SRGAP2B: variants seen among roughly 807,000 people sequenced by gnomAD.
SRGAP2B encodes SLIT-ROBO Rho GTPase activating protein 2B, also known as SLIT-ROBO Rho GTPase-activating protein 2B.
SRGAP2B carries 9 observed loss-of-function variants against 22.2 expected under a neutral mutation model. That is an observed-to-expected ratio of 0.41 (90% CI 0.24 to 0.71). SRGAP2B has a LOEUF of 0.71. SRGAP2B is among the 30% of genes least tolerant of loss of function. The pLI, the probability that SRGAP2B is intolerant of heterozygous loss-of-function variation, is 0.35. For synonymous variants in SRGAP2B, 36 were observed against 87.4 expected (o/e 0.41, Z 3.28); for missense variants, 114 against 235.8 (o/e 0.48, Z 3.38).
At chr1:145,021,771 G>A (rs1376275187) in intron 2 of SRGAP2B, among the ~76,000 whole-genome samples, 28 of 146,064 alleles carry the variant, frequency 1.9e-4, no homozygotes, top group Non-Finnish European at 3.7e-4. Context: ...CCAAGGTCAC[G>A]CCATTGCACT....
At position 144,926,023 on chromosome 1, in the gene SRGAP2B, T is replaced by A. The variant is rs1345597105; in HGVS notation, c.424-11269A>T. Reference sequence around the variant, plus strand: ...CCACCAACTTGCTAATTGCTTTCTATTTGTCCTGCCTCTTCTATTTTCCTC... The same window carrying A: ...CCACCAACTTGCTAATTGCTTTCTAATTGTCCTGCCTCTTCTATTTTCCTC... On this transcript the variant is annotated intron_variant, in intron 4 of 9. Transcript: ENST00000612199. Among the ~76,000 whole-genome samples, 12 of 75,666 alleles carry A rather than the reference T, an allele frequency of 1.6e-4. No homozygotes were observed. In the East Asian group the frequency reaches 3.9e-3, roughly 24 times the overall value. 49.6% of individuals were successfully genotyped at this position (75,666 alleles called of 152,430 possible). A position where few individuals can be genotyped will look rare whatever the true frequency, so the allele number is the denominator to read the frequency against.
At chr1:144,941,576 A>T in intron 4 of SRGAP2B, among the ~76,000 whole-genome samples, 1 of 150,132 alleles carries the variant, frequency 6.7e-6, no homozygotes. Flanking sequence ...ATCTAGTAGA[A>T]AAACTAAAAG....
intron 3 of SRGAP2B, chr1:144,964,966 G>T: frequency 3.6e-6 from 5 of 1,406,770 alleles, no homozygotes; most frequent in Non-Finnish European, 4.0e-6. Flanking sequence ...ACAGAGCCGC[G>T]CCGCCTGCAC....
At chr1:145,044,225 C>T (rs1649488721) in intron 2 of SRGAP2B, among the ~76,000 whole-genome samples, 1 of 134,096 alleles carries the variant, frequency 7.5e-6, no homozygotes, top group Admixed American at 7.2e-5. Flanking sequence ...TTTTTTTTGC[C>T]AGAAAGCAAG....
intron 4 of SRGAP2B, 112 bp downstream of exon 4, chr1:144,955,327 T>C (rs1480669260): frequency 3.8e-6 from 2 of 532,088 alleles, no homozygotes; most frequent in African/African-American, 2.1e-5. Flanking sequence ...GTCATGGGGG[T>C]CTGGTGTACA....
intron 1 of SRGAP2B, among the ~76,000 whole-genome samples, chr1:145,093,956 G>T (rs112906161): frequency 6.7e-6 from 1 of 149,484 alleles, no homozygotes; most frequent in Non-Finnish European, 1.5e-5. Context: ...ATGTTGATGG[G>T]GGGGCGGGGC....
chr1:144,969,588 G>T, intron 3 of SRGAP2B, among the ~76,000 whole-genome samples: 1 of 146,674 alleles, frequency 6.8e-6, no homozygotes, highest in Non-Finnish European at 1.5e-5. Flanking sequence ...GCGTGGGCAA[G>T]GACTTCATGT....
intron 4 of SRGAP2B, among the ~76,000 whole-genome samples, chr1:144,939,344 G>A (rs1199155168): frequency 6.6e-6 from 1 of 150,550 alleles, no homozygotes; most frequent in African/African-American, 2.5e-5. Context: ...CCTGGAAGCA[G>A]GTAATTAAAA....
rs1667201014 is a variant in SRGAP2B, at chr1:144,955,609, GA to G, written c.261-9del. The G allele has an allele frequency of 1.3e-6, 1 of 758,842 alleles. No homozygotes were observed. The highest frequency in any genetic ancestry group is 2.3e-5 in the Admixed American group (1 of 42,564). The allele number at this position is 758,842 out of a possible 1,614,324, so 47.0% of individuals were successfully genotyped here. ...AGAACATTCTGATCCTTCCTGTGAA[GA>G]AACATCAAGGAAAAGAAGTCATTGT... On this transcript the variant is annotated splice_polypyrimidine_tract_variant and intron_variant, in intron 3 of 9. Transcript: ENST00000612199.
intron 2 of SRGAP2B, among the ~76,000 whole-genome samples, chr1:145,084,873 C>T (rs1457105400): frequency 1.3e-5 from 2 of 149,820 alleles, no homozygotes; most frequent in Non-Finnish European, 3.0e-5. Context: ...TGACATCTGG[C>T]TTATTTGTGA....
intron 3 of SRGAP2B, among the ~76,000 whole-genome samples, chr1:144,987,123 T>G (rs1205452317): frequency 1.3e-5 from 2 of 152,156 alleles, no homozygotes; most frequent in Non-Finnish European, 2.9e-5. Context: ...GAAATCTCTC[T>G]TCTTTGTGCA....
chr1:145,093,934 C>T (rs1454943739), intron 1 of SRGAP2B, among the ~76,000 whole-genome samples: 4 of 149,112 alleles, frequency 2.7e-5, no homozygotes, highest in Non-Finnish European at 4.4e-5. Flanking sequence ...ACTAGCTTCT[C>T]TTGGCAGCAA....
At chr1:144,923,110 G>A (rs2101786841) in intron 4 of SRGAP2B, among the ~76,000 whole-genome samples, 1 of 150,470 alleles carries the variant, frequency 6.6e-6, no homozygotes, top group South Asian at 2.1e-4. Flanking sequence ...GAGGATAACG[G>A]CCCTCTGCTC....
chr1:145,031,763 C>A (rs6697688), intron 2 of SRGAP2B, among the ~76,000 whole-genome samples: 1 of 142,826 alleles, frequency 7.0e-6, no homozygotes, highest in Non-Finnish European at 1.5e-5. Context: ...AGGAGAATGG[C>A]GTGAACCCGG....
intron 3 of SRGAP2B, among the ~76,000 whole-genome samples, chr1:144,993,333 G>A (rs1212859041): frequency 5.3e-5 from 8 of 150,990 alleles, no homozygotes; most frequent in Admixed American, 4.0e-4. Flanking sequence ...TAGTAGGACT[G>A]GAGTAGGACC....
intron 2 of SRGAP2B, among the ~76,000 whole-genome samples, chr1:145,075,788 A>G (rs1652439669): frequency 6.8e-6 from 1 of 147,966 alleles, no homozygotes; most frequent in Non-Finnish European, 1.5e-5. Context: ...CTAGATTGCA[A>G]TTTAAGAACT....
chr1:144,906,174 A>G (rs1662980247), intron 5 of SRGAP2B, 100 bp from the exon 6 acceptor site: 1 of 668,590 alleles, frequency 1.5e-6, no homozygotes, highest in Admixed American at 2.3e-5. Flanking sequence ...TCCCCCATGA[A>G]GCAATATCCT....
intron 3 of SRGAP2B, among the ~76,000 whole-genome samples, chr1:144,959,186 C>T (rs587776101): frequency 6.7e-6 from 1 of 150,130 alleles, no homozygotes; most frequent in East Asian, 1.9e-4. Flanking sequence ...CATGTGAGAC[C>T]GTGGTTGGGT....
At chr1:145,081,410 T>A (rs1652919977) in intron 2 of SRGAP2B, among the ~76,000 whole-genome samples, 1 of 150,812 alleles carries the variant, frequency 6.6e-6, no homozygotes, top group Non-Finnish European at 1.5e-5. Context: ...TTTTGAGACC[T>A]TAGGTGAGTT....
Sources: allele counts gnomAD v4.1 joint callset (sites outside exome capture counted in the v4.1 genomes callset), GRCh38; gene constraint gnomAD v4.1.1; transcripts MANE v1.5; gene names NCBI Gene and HGNC (gene_info 2026-07-23, HGNC 2026-07-21).